ADAM32: variants seen among roughly 807,000 people sequenced by gnomAD.
ADAM32 encodes ADAM metallopeptidase domain 32.
Under a neutral mutation model 114.9 loss-of-function variants are expected in ADAM32, and 89 were observed. That is an observed-to-expected ratio of 0.77 (90% CI 0.65 to 0.92). The LOEUF is 0.92. Among genes scored for constraint, ADAM32 ranks in the 40% least tolerant of loss-of-function variants. The pLI is 0.00. For synonymous variants in ADAM32, 285 were observed against 307.5 expected (o/e 0.93, Z 0.77); for missense variants, 870 against 932.8 (o/e 0.93, Z 0.88).
At position 39,257,168 on chromosome 8, in the gene ADAM32, T is replaced by G; in HGVS notation, c.2006-19T>G. On this transcript the variant is annotated intron_variant, in intron 18 of 24. Transcript: ENST00000379907. ...AGTTTAATTTTTTTGTTTTTTTTTT[T>G]TTGTATTTCTGTTTTTAGGTTCAAT... 1 of 1,528,634 alleles carries G rather than the reference T, an allele frequency of 6.5e-7. No individual in the cohort carries two copies. Among genetic ancestry groups the G allele is most frequent in the Non-Finnish European group, 8.8e-7 (1 of 1,140,678 alleles). The allele number at this position is 1,528,634 out of a possible 1,614,324, so 94.7% of individuals were successfully genotyped here.
intron 6 of ADAM32, chr8:39,158,420 G>A (rs962685253): frequency 5.5e-6 from 1 of 182,764 alleles, no homozygotes; most frequent in African/African-American, 2.4e-5. Flanking sequence ...GCCTTGAGGG[G>A]TTTCCATGTA....
At chr8:39,214,092 G>A (rs1808402662) in intron 12 of ADAM32, among the ~76,000 whole-genome samples, 1 of 152,108 alleles carries the variant, frequency 6.6e-6, no homozygotes, top group Non-Finnish European at 1.5e-5. Flanking sequence ...ATCTGTAGAT[G>A]GACAGTTAGA....
At chr8:39,109,935 C>G (rs1030494458) in intron 1 of ADAM32, among the ~76,000 whole-genome samples, 3 of 152,210 alleles carry the variant, frequency 2.0e-5, no homozygotes, top group African/African-American at 7.2e-5. Context: ...TCTCCTTAGT[C>G]TTCTTAGTTT....
chr8:39,170,044 T>G (rs1805093012), intron 10 of ADAM32, 47 bp downstream of exon 10: 1 of 1,345,040 alleles, frequency 7.4e-7, no homozygotes, highest in Non-Finnish European at 1.0e-6. Flanking sequence ...CGTTTAAAAA[T>G]TATTTGACAT....
intron 19 of ADAM32, among the ~76,000 whole-genome samples, chr8:39,263,154 T>C (rs988932858): frequency 1.3e-5 from 2 of 152,214 alleles, no homozygotes; most frequent in Non-Finnish European, 2.9e-5. Context: ...CATGTAATAA[T>C]CTGTTTGATG....
Position 39,246,265 on chromosome 8 carries a change from A to G in ADAM32, c.1902+99A>G. The stretch of plus-strand genomic sequence containing the variant: ...TTTTTGGGTCACTACCATGTGACAG[A>G]CTCTGTTGCATCTAGCTTCAATTGA... On this transcript the variant is annotated intron_variant, in intron 17 of 24. Coordinates refer to ENST00000379907, the MANE Select transcript of ADAM32 (RefSeq NM_145004.7). 7.3e-6 allele frequency: 7 copies of G among 955,218 alleles called. No individual in the cohort carries two copies. The South Asian group carries it at 1.1e-4, about 15-fold the overall frequency. The allele number at this position is 955,218 out of a possible 1,614,324, so 59.2% of individuals were successfully genotyped here.
intron 16 of ADAM32, among the ~76,000 whole-genome samples, chr8:39,236,159 A>C (rs962449243): frequency 5.3e-5 from 8 of 152,202 alleles, no homozygotes. Context: ...TATACGTTCC[A>C]TAATATAATG....
chr8:39,117,618 C>T (rs930487007), intron 1 of ADAM32, among the ~76,000 whole-genome samples: 2 of 151,976 alleles, frequency 1.3e-5, no homozygotes, highest in East Asian at 1.9e-4. Flanking sequence ...CTCAAGCCAG[C>T]CTGCTTATCT....
At chr8:39,154,374 CT>C (rs1443591826) in intron 6 of ADAM32, among the ~76,000 whole-genome samples, 3 of 152,076 alleles carry the variant, frequency 2.0e-5, no homozygotes, top group Non-Finnish European at 2.9e-5. Context: ...TGAACTCATC[CT>C]TTTTTATGGC....
At chr8:39,205,774 T>G (rs564103497) in intron 11 of ADAM32, among the ~76,000 whole-genome samples, 1 of 152,218 alleles carries the variant, frequency 6.6e-6, no homozygotes, top group Non-Finnish European at 1.5e-5. Context: ...CTCCTTAAAA[T>G]TATATTTCCT....
At chr8:39,267,626 C>T (rs1159872963) in intron 19 of ADAM32, among the ~76,000 whole-genome samples, 4 of 152,192 alleles carry the variant, frequency 2.6e-5, no homozygotes, top group Non-Finnish European at 2.9e-5. Flanking sequence ...AAATTTACTT[C>T]TGCAGAAGGG....
At chr8:39,222,986 C>T (rs1215335780) in intron 13 of ADAM32, 54 bp from the exon 14 acceptor site, 16 of 1,409,504 alleles carry the variant, frequency 1.1e-5, no homozygotes, top group African/African-American at 5.9e-5. Flanking sequence ...TAAATATTAA[C>T]AAACAGTAAT....
At chr8:39,148,955 T>C (rs982589173) in intron 4 of ADAM32, among the ~76,000 whole-genome samples, 1 of 152,178 alleles carries the variant, frequency 6.6e-6, no homozygotes, top group South Asian at 2.1e-4. Flanking sequence ...TTGTAATCTA[T>C]TGAGTCCTGC....
At chr8:39,107,970 AG>A in intron 1 of ADAM32, 137 bp downstream of exon 1, 2 of 1,202,096 alleles carry the variant, frequency 1.7e-6, no homozygotes, top group Non-Finnish European at 2.2e-6. Flanking sequence ...CCAGGGGATT[AG>A]GCGCCCCGTC....
intron 2 of ADAM32, among the ~76,000 whole-genome samples, chr8:39,128,780 G>A (rs184429841): frequency 1.8e-4 from 27 of 152,228 alleles, no homozygotes; most frequent in Admixed American, 1.5e-3. Flanking sequence ...ATGCAGCTTA[G>A]TTTGGCCTGA....
At chr8:39,170,827 T>A (rs192097741) in intron 10 of ADAM32, among the ~76,000 whole-genome samples, 2 of 152,172 alleles carry the variant, frequency 1.3e-5, no homozygotes, top group Admixed American at 1.3e-4. Context: ...GTAAAGGCAG[T>A]GAGCAGAATG....
At chr8:39,243,786 C>A (rs983091385) in intron 16 of ADAM32, among the ~76,000 whole-genome samples, 1 of 148,922 alleles carries the variant, frequency 6.7e-6, no homozygotes, top group Non-Finnish European at 1.5e-5. Context: ...CCAGAGCAAT[C>A]AAACAAGAGA....
At chr8:39,256,178 C>G (rs1003737394) in intron 18 of ADAM32, among the ~76,000 whole-genome samples, 13 of 151,966 alleles carry the variant, frequency 8.6e-5, no homozygotes, top group African/African-American at 3.1e-4. Flanking sequence ...TCTTGTCTTG[C>G]TCTTTTTTCT....
At chr8:39,223,762 C>A (rs955349937) in intron 14 of ADAM32, 4 of 152,062 alleles carry the variant, frequency 2.6e-5, no homozygotes, top group African/African-American at 9.7e-5. Context: ...TTTTGCATAA[C>A]TAAAATTTTG....
Sources: gnomAD v4.1 joint callset for allele counts (sites outside exome capture counted in the v4.1 genomes callset) on GRCh38, gnomAD v4.1.1 for gene constraint, MANE v1.5 for transcripts, NCBI Gene and HGNC (gene_info 2026-07-23, HGNC 2026-07-21) for gene names.